WIPF1: variants seen among roughly 807,000 people sequenced by gnomAD.
The protein encoded by WIPF1 is WAS/WASL interacting protein family member 1, also known as WAS/WASL-interacting protein family member 1.
WIPF1 carries 13 observed loss-of-function variants against 35.4 expected under a neutral mutation model. The ratio of observed to expected loss-of-function variants is 0.37; its 90% CI spans 0.24 to 0.58. WIPF1 has a LOEUF of 0.58. Among genes scored for constraint, WIPF1 ranks in the 20% least tolerant of loss-of-function variants. The pLI is 0.74. For synonymous variants in WIPF1, 267 were observed against 266.3 expected (o/e 1.00, Z -0.02); for missense variants, 591 against 667.0 (o/e 0.89, Z 1.25).
At chr2:174,586,305 A>G (rs1401103308) in intron 1 of WIPF1, among the ~76,000 whole-genome samples, 2 of 152,190 alleles carry the variant, frequency 1.3e-5, no homozygotes, top group Non-Finnish European at 2.9e-5. Context: ...AGCGGGCATG[A>G]GAAGTCAGAC....
intron 1 of WIPF1, among the ~76,000 whole-genome samples, chr2:174,615,241 A>C (rs1187205057): frequency 6.6e-6 from 1 of 152,208 alleles, no homozygotes; most frequent in African/African-American, 2.4e-5. Flanking sequence ...GGATGGGTCA[A>C]TTCAGTGGTG....
At chr2:174,678,556 G>A (rs1178917433) in intron 1 of WIPF1, among the ~76,000 whole-genome samples, 1 of 152,222 alleles carries the variant, frequency 6.6e-6, no homozygotes, top group African/African-American at 2.4e-5. Flanking sequence ...CTGTAGTTGT[G>A]ACCAAAGCAG....
Position 174,560,375 on chromosome 2 carries a change from C to A in WIPF1, c.*2172G>T, listed in dbSNP as rs1022720581. On this transcript the variant is annotated 3_prime_UTR_variant, in exon 8 of 8. Coordinates refer to ENST00000679041, the MANE Select transcript of WIPF1 (RefSeq NM_001375834.1). The stretch of plus-strand genomic sequence containing the variant: ...AGATATGCAAAGGAATTGTCCAATT[C>A]TTACTACCCCTTATAAAATTCAGAC... 14 of 152,600 alleles carry A rather than the reference C, an allele frequency of 9.2e-5. No individual in the cohort carries two copies. The highest frequency in any genetic ancestry group is 3.4e-4 in the African/African-American group (14 of 41,452). 9.5% of individuals were successfully genotyped at this position (152,600 alleles called of 1,614,324 possible).
At chr2:174,601,509 TAAAG>T (rs531747665), upstream of WIPF1, among the ~76,000 whole-genome samples, 63 of 152,198 alleles carry the variant, frequency 4.1e-4, no homozygotes, top group African/African-American at 1.4e-3. Flanking sequence ...AATAAAAAGA[TAAAG>T]AAAATAAGGC....
chr2:174,628,565 G>A (rs533649431), intron 1 of WIPF1, among the ~76,000 whole-genome samples: 6 of 152,284 alleles, frequency 3.9e-5, no homozygotes, highest in Non-Finnish European at 5.9e-5. Flanking sequence ...CAGGAATTAC[G>A]TAGAGCTCAC....
intron 1 of WIPF1, among the ~76,000 whole-genome samples, chr2:174,660,267 A>G (rs1049655578): frequency 2.6e-5 from 4 of 152,208 alleles, no homozygotes; most frequent in Non-Finnish European, 5.9e-5. Context: ...CCAGGGCCAG[A>G]CTGCCTGGGT....
At chr2:174,600,385 T>G (rs891843517), upstream of WIPF1, among the ~76,000 whole-genome samples, 3 of 152,168 alleles carry the variant, frequency 2.0e-5, no homozygotes, top group African/African-American at 7.2e-5. Flanking sequence ...GACTTCTCAT[T>G]TCACTTAAAA....
chr2:174,614,944 G>C (rs566651791), intron 1 of WIPF1, among the ~76,000 whole-genome samples: 25 of 152,286 alleles, frequency 1.6e-4, no homozygotes, highest in African/African-American at 6.0e-4. Context: ...GTTCTAAGAT[G>C]CACAAAGATG....
chr2:174,624,889 C>T (rs1427983682), intron 1 of WIPF1, among the ~76,000 whole-genome samples: 2 of 152,138 alleles, frequency 1.3e-5, no homozygotes, highest in Non-Finnish European at 2.9e-5. Context: ...TCCCAAGGGC[C>T]CCCATGGAAG....
chr2:174,658,518 CA>C (rs1468185347), intron 1 of WIPF1, among the ~76,000 whole-genome samples: 1 of 152,086 alleles, frequency 6.6e-6, no homozygotes, highest in Non-Finnish European at 1.5e-5. Context: ...AGAAGGGAAA[CA>C]AGGCTCCTAG....
At chr2:174,624,946 A>G (rs901359649) in intron 1 of WIPF1, among the ~76,000 whole-genome samples, 2 of 152,144 alleles carry the variant, frequency 1.3e-5, no homozygotes, top group Non-Finnish European at 2.9e-5. Flanking sequence ...CGTTCTGACA[A>G]CTGGCACTAT....
chr2:174,574,675 A>C (rs915969131), intron 4 of WIPF1: 1 of 569,726 alleles, frequency 1.8e-6, no homozygotes, highest in Admixed American at 3.0e-5. Context: ...ACTCATGTCC[A>C]TGGCTCCCTG....
At chr2:174,614,731 G>C (rs965327471) in intron 1 of WIPF1, among the ~76,000 whole-genome samples, 1 of 152,164 alleles carries the variant, frequency 6.6e-6, no homozygotes, top group Non-Finnish European at 1.5e-5. Flanking sequence ...AAGTACAAAG[G>C]CTTCTGTATA....
intron 1 of WIPF1, among the ~76,000 whole-genome samples, chr2:174,609,822 A>G (rs1686288358): frequency 6.6e-6 from 1 of 152,210 alleles, no homozygotes; most frequent in Admixed American, 6.5e-5. Context: ...TGAAAGGCCA[A>G]TCAGACGATT....
chr2:174,638,166 T>C (rs1687225144), intron 1 of WIPF1, among the ~76,000 whole-genome samples: 3 of 152,222 alleles, frequency 2.0e-5, no homozygotes, highest in African/African-American at 7.2e-5. Flanking sequence ...ACTCCAAACA[T>C]ATTCTAACTT....
At chr2:174,677,323 C>T (rs574483316) in intron 1 of WIPF1, among the ~76,000 whole-genome samples, 1 of 152,290 alleles carries the variant, frequency 6.6e-6, no homozygotes, top group African/African-American at 2.4e-5. Flanking sequence ...ATAAACCATC[C>T]TTTAACAAAC....
Position 174,622,419 on chromosome 2 carries a change from T to G in WIPF1, c.-38-36808A>C, listed in dbSNP as rs1054366233. 3.3e-5 allele frequency among the ~76,000 whole-genome samples: 5 copies of G among 152,216 alleles called. No homozygotes were observed. In the East Asian group the frequency reaches 9.6e-4, roughly 29 times the overall value. ...GTTGTACATTTTTTCTACTACACATTAAAACAAATACATATTTAAATAAAG... is the reference window on the plus strand; with the variant it reads ...GTTGTACATTTTTTCTACTACACATGAAAACAAATACATATTTAAATAAAG... On this transcript the variant is annotated intron_variant, in intron 1 of 8. Coordinates refer to the WIPF1 transcript ENST00000272746. This position sits in a 1 kb window ranked among gnomAD's most constrained non-coding sequence, Gnocchi z 5.1.
chr2:174,652,308 G>T lies in WIPF1; in HGVS notation c.-39+30466C>A, dbSNP rs115475598. On this transcript the variant is annotated intron_variant, in intron 1 of 8. Coordinates refer to the WIPF1 transcript ENST00000272746. The stretch of plus-strand genomic sequence containing the variant: ...CTCTTGTCTGGTGCACTAACATTTT[G>T]AACTTGAAATTTTTAATGATAAGCC... 6.0e-3 allele frequency among the ~76,000 whole-genome samples: 917 copies of T among 152,190 alleles called. 10 individuals are homozygous for T. Among genetic ancestry groups the T allele is most frequent in the African/African-American group, 0.021 (881 of 41,502 alleles).
At chr2:174,681,677 T>C (rs1056791761) in intron 1 of WIPF1, among the ~76,000 whole-genome samples, 1 of 151,550 alleles carries the variant, frequency 6.6e-6, no homozygotes, top group Non-Finnish European at 1.5e-5. Context: ...CAGCCAGGGA[T>C]GGGGGAATGG....
Sources: gnomAD v4.1 joint callset for allele counts (sites outside exome capture counted in the v4.1 genomes callset) on GRCh38, gnomAD v4.1.1 for gene constraint, Gnocchi (gnomAD v3.1) non-coding constraint, MANE v1.5 for transcripts, NCBI Gene and HGNC (gene_info 2026-07-23, HGNC 2026-07-21) for gene names.